Variants in ABCB1 observed in about 807,000 individuals in gnomAD.
ABCB1 encodes ATP-dependent translocase ABCB1.
Under a neutral mutation model 142.0 loss-of-function variants are expected in ABCB1, and 69 were observed. That is an observed-to-expected ratio of 0.49 (90% CI 0.40 to 0.59). The LOEUF (loss-of-function observed/expected upper bound fraction) is 0.59, where lower values mean the gene tolerates loss of function less well. Among genes scored for constraint, ABCB1 ranks in the 20% least tolerant of loss-of-function variants. The probability of loss-of-function intolerance (pLI) is 0.00; values close to 1 mark genes in which losing one functional copy is unlikely to be tolerated. For missense variants in ABCB1, 1,326 were observed against 1,554.7 expected (o/e 0.85, Z 2.47); for synonymous variants, 532 against 539.2 (o/e 0.99, Z 0.18).
chr7:87,691,808 G>C (rs1828040853), intron 1 of ABCB1, among the ~76,000 whole-genome samples: 1 of 152,114 alleles, frequency 6.6e-6, no homozygotes, highest in Non-Finnish European at 1.5e-5. Context: ...CATCAGTCAG[G>C]TCCTGCCTAT....
chr7:87,580,938 A>G (rs1001115062), intron 4 of ABCB1, among the ~76,000 whole-genome samples: 3 of 151,770 alleles, frequency 2.0e-5, no homozygotes. Flanking sequence ...CTCTTTCCTT[A>G]ATATAATGTT....
intron 1 of ABCB1, among the ~76,000 whole-genome samples, chr7:87,659,843 A>G (rs1246887888): frequency 1.3e-5 from 2 of 152,144 alleles, no homozygotes; most frequent in African/African-American, 4.8e-5. Context: ...AGCAGGAGGA[A>G]AATACATCTA....
intron 1 of ABCB1, chr7:87,629,057 C>G: frequency 9.4e-7 from 1 of 1,060,930 alleles, no homozygotes; most frequent in Non-Finnish European, 1.2e-6. Context: ...CCAGTGCCCC[C>G]GCCTATGTTG....
At chr7:87,505,436 T>C (rs886129317) in intron 27 of ABCB1, among the ~76,000 whole-genome samples, 6 of 152,194 alleles carry the variant, frequency 3.9e-5, no homozygotes, top group African/African-American at 1.2e-4. Flanking sequence ...AAAGGCCAAA[T>C]ACAGACTCCC....
At chr7:87,523,613 C>T (rs1306614795) in intron 21 of ABCB1, among the ~76,000 whole-genome samples, 3 of 152,182 alleles carry the variant, frequency 2.0e-5, no homozygotes, top group Non-Finnish European at 4.4e-5. Flanking sequence ...CAGAGTGAGA[C>T]TCCATCTTAA....
chr7:87,694,268 C>G lies in ABCB1; in HGVS notation c.-331+18893G>C, dbSNP rs941066763. On this transcript the variant is annotated intron_variant, in intron 1 of 28. Transcript: ENST00000265724. Reference sequence around the variant, plus strand: ...GGAAGCTGTATGAATATTCCAGTCTCAGTAAAACATAGATGTGGCACCATA... The same window carrying G: ...GGAAGCTGTATGAATATTCCAGTCTGAGTAAAACATAGATGTGGCACCATA... 3.9e-4 allele frequency among the ~76,000 whole-genome samples: 59 copies of G among 152,114 alleles called. 1 individual carries two copies. Among genetic ancestry groups the G allele is most frequent in the Non-Finnish European group, 4.4e-5 (3 of 68,020 alleles).
chr7:87,540,432 GTATTTATTTATT>G (rs569902456), intron 18 of ABCB1, among the ~76,000 whole-genome samples: 1 of 151,968 alleles, frequency 6.6e-6, no homozygotes, highest in African/African-American at 2.4e-5. Flanking sequence ...ATACCAAACA[GTATTTATTTATT>G]TATTTATTTA....
At chr7:87,587,699 G>A (rs771970663) in intron 3 of ABCB1, among the ~76,000 whole-genome samples, 10 of 151,816 alleles carry the variant, frequency 6.6e-5, no homozygotes, top group South Asian at 6.3e-4. Flanking sequence ...GTGAAACCCC[G>A]TCTCTATTAA....
At position 87,518,689 on chromosome 7, in the gene ABCB1, C is replaced by T. The variant is rs1377657750; in HGVS notation, c.2927+637G>A. 2.6e-5 allele frequency among the ~76,000 whole-genome samples: 4 copies of T among 152,166 alleles called. No individual in the cohort carries two copies. In the East Asian group the frequency reaches 7.7e-4, roughly 29 times the overall value. On this transcript the variant is annotated intron_variant, in intron 23 of 27. Transcript: ENST00000622132. ...CAAGAGGCAGAATCTTACCCACCTC[C>T]AAATCTAGAAGCTCAGAAAGATTAC...
At chr7:87,654,554 C>T (rs867849735) in intron 1 of ABCB1, among the ~76,000 whole-genome samples, 1 of 151,966 alleles carries the variant, frequency 6.6e-6, no homozygotes, top group Non-Finnish European at 1.5e-5. Context: ...TTAGACCCTT[C>T]ACACTACAGA....
intron 2 of ABCB1, among the ~76,000 whole-genome samples, chr7:87,599,135 T>C (rs1326268551): frequency 6.6e-6 from 1 of 152,220 alleles, no homozygotes; most frequent in Non-Finnish European, 1.5e-5. Context: ...TGGTTTCTTA[T>C]AATATTAATG....
upstream of ABCB1, chr7:87,603,266 A>G (rs915620295): frequency 2.0e-5 from 3 of 152,254 alleles, no homozygotes; most frequent in Non-Finnish European, 4.4e-5. Context: ...GAATCCTATG[A>G]AGTAGTTACT....
At chr7:87,563,430 A>G (rs1473650841) in intron 7 of ABCB1, 1 of 453,650 alleles carries the variant, frequency 2.2e-6, no homozygotes, top group Non-Finnish European at 4.4e-6. Context: ...ATCCTGGCAA[A>G]CTGAATTCAG....
At chr7:87,659,386 A>G (rs1824464090) in intron 1 of ABCB1, among the ~76,000 whole-genome samples, 2 of 152,022 alleles carry the variant, frequency 1.3e-5, no homozygotes, top group African/African-American at 4.8e-5. Context: ...CTCTTTATAT[A>G]GATTTTTCAG....
chr7:87,629,998 C>A (rs191062213), intron 1 of ABCB1, among the ~76,000 whole-genome samples: 2 of 151,476 alleles, frequency 1.3e-5, no homozygotes. Flanking sequence ...GATATATTTT[C>A]TTTAAGTCTT....
At chr7:87,679,607 C>A (rs948942534) in intron 1 of ABCB1, among the ~76,000 whole-genome samples, 4 of 150,120 alleles carry the variant, frequency 2.7e-5, no homozygotes, top group African/African-American at 9.9e-5. Context: ...CCTGGCTGGT[C>A]TCGAACTACT....
rs1233953132 is a variant in ABCB1, at chr7:87,519,465, T to G, written c.2788A>C (p.Asn930His). ...YAQSLQVPYR[N>H]SLRKAHIFGI... ...AAGATGTGTGCTTTCCTCAAAGAGT[T>G]TCTGAAAAGAAGACATTTGAAAACT... Residue 930 changes from asparagine (N) to histidine (H), a missense_variant and splice_region_variant, in exon 23 of 28, where the codon AAC becomes CAC. Transcript: ENST00000622132. 2.2e-5 allele frequency: 35 copies of G among 1,613,930 alleles called. No individual in the cohort carries two copies. The highest frequency in any genetic ancestry group is 2.9e-5 in the Non-Finnish European group (34 of 1,179,958).
intron 1 of ABCB1, among the ~76,000 whole-genome samples, chr7:87,639,551 A>AT (rs1302158606): frequency 1.3e-5 from 2 of 152,134 alleles, no homozygotes; most frequent in African/African-American, 4.8e-5. Flanking sequence ...GATTTTTACT[A>AT]TAAATATTTT....
At chr7:87,599,517 A>C (rs1020908673) in intron 2 of ABCB1, among the ~76,000 whole-genome samples, 1 of 152,200 alleles carries the variant, frequency 6.6e-6, no homozygotes, top group Non-Finnish European at 1.5e-5. Flanking sequence ...GAAAAGCAGA[A>C]GTTCATAAGA....
Sources: allele counts gnomAD v4.1 joint callset (sites outside exome capture counted in the v4.1 genomes callset), GRCh38; gene constraint gnomAD v4.1.1; transcripts MANE v1.5; gene names NCBI Gene and HGNC (gene_info 2026-07-23, HGNC 2026-07-21).